The following LHFPL3 variants were observed in gnomAD, a reference collection of about 807,000 sequenced individuals.
The protein encoded by LHFPL3 is LHFPL tetraspan subfamily member 3.
In LHFPL3, 5 loss-of-function variants were observed where a neutral mutation model predicts 19.3. The ratio of observed to expected loss-of-function variants is 0.26; its 90% CI spans 0.14 to 0.54. The LOEUF is 0.54. LHFPL3 is among the 20% of genes least tolerant of loss of function. The pLI, the probability that LHFPL3 is intolerant of heterozygous loss-of-function variation, is 0.94. For synonymous variants in LHFPL3, 133 were observed against 126.2 expected, an observed-to-expected ratio of 1.05 and a Z score of -0.36; for missense variants, 249 against 307.4, an observed-to-expected ratio of 0.81 and a Z score of 1.42.
At chr7:104,638,933 T>A (rs76604948) in intron 1 of LHFPL3, among the ~76,000 whole-genome samples, 1 of 139,158 alleles carries the variant, frequency 7.2e-6, no homozygotes. Context: ...ACACCCAGCA[T>A]TTTTTTTTTT....
At chr7:104,391,358 TG>T (rs1467584205) in intron 1 of LHFPL3, among the ~76,000 whole-genome samples, 3 of 152,322 alleles carry the variant, frequency 2.0e-5, no homozygotes, top group East Asian at 1.9e-4. Context: ...AATTAATTTT[TG>T]TATAAGGTGT....
Position 104,493,542 on chromosome 7 carries a change from A to T in LHFPL3, c.445+164318A>T, listed in dbSNP as rs372769212. Among the ~76,000 whole-genome samples, 4 of 151,952 alleles carry T rather than the reference A, an allele frequency of 2.6e-5. No homozygotes were observed. The South Asian group carries it at 8.3e-4, about 32-fold the overall frequency. Reference sequence around the variant, plus strand: ...CCTTCAAAACTGAGTCCACTAACTCATTCCCCACTTATGTCAGCCTCTCCT... The same window carrying T: ...CCTTCAAAACTGAGTCCACTAACTCTTTCCCCACTTATGTCAGCCTCTCCT... On this transcript the variant is annotated intron_variant, in intron 1 of 2. Transcript: ENST00000424859.
At chr7:104,598,079 A>T (rs1790897794) in intron 1 of LHFPL3, among the ~76,000 whole-genome samples, 1 of 152,190 alleles carries the variant, frequency 6.6e-6, no homozygotes, top group Admixed American at 6.5e-5. Flanking sequence ...ATCCATTTTC[A>T]AATGGGCATA....
intron 1 of LHFPL3, among the ~76,000 whole-genome samples, chr7:104,342,996 C>CTTTTT (rs10668194): frequency 6.4e-5 from 9 of 140,968 alleles, no homozygotes; most frequent in Admixed American, 1.4e-4. Flanking sequence ...AAAGAATTGA[C>CTTTTT]TTTTTTTTTT....
chr7:104,668,910 G>A, intron 1 of LHFPL3: 1 of 1,612,424 alleles, frequency 6.2e-7, no homozygotes, highest in Non-Finnish European at 8.5e-7. Flanking sequence ...TGCAGCGTCA[G>A]CTGGATGGGC....
intron 2 of LHFPL3, among the ~76,000 whole-genome samples, chr7:104,834,270 A>T (rs1445109026): frequency 6.6e-6 from 1 of 151,596 alleles, no homozygotes; most frequent in Non-Finnish European, 1.5e-5. Context: ...AGTATTAACC[A>T]TCACAGTTGG....
At chr7:104,567,400 A>G (rs1200850894) in intron 1 of LHFPL3, among the ~76,000 whole-genome samples, 1 of 152,098 alleles carries the variant, frequency 6.6e-6, no homozygotes, top group African/African-American at 2.4e-5. Flanking sequence ...TTCACTTTGG[A>G]TATACCCATG....
At chr7:104,496,997 C>T (rs892034799) in intron 1 of LHFPL3, among the ~76,000 whole-genome samples, 3 of 152,060 alleles carry the variant, frequency 2.0e-5, no homozygotes, top group African/African-American at 7.2e-5. Flanking sequence ...AACAAGGTCC[C>T]CTTTGCTCAT....
chr7:104,553,627 T>C (rs1794702937), intron 1 of LHFPL3, among the ~76,000 whole-genome samples: 1 of 152,202 alleles, frequency 6.6e-6, no homozygotes, highest in South Asian at 2.1e-4. Flanking sequence ...CTCTTTTCAG[T>C]TGAACTTTTC....
intron 1 of LHFPL3, among the ~76,000 whole-genome samples, chr7:104,600,747 G>A (rs1265294730): frequency 6.6e-6 from 1 of 152,208 alleles, no homozygotes. Context: ...GGGATGTACT[G>A]TTGTTTCATT....
chr7:104,642,303 C>T (rs1791852195), intron 1 of LHFPL3, among the ~76,000 whole-genome samples: 2 of 152,038 alleles, frequency 1.3e-5, no homozygotes, highest in Admixed American at 6.6e-5. Context: ...CTCCCAGGTA[C>T]AGTCGTGAGC....
At chr7:104,641,944 A>G (rs1341620518) in intron 1 of LHFPL3, among the ~76,000 whole-genome samples, 5 of 151,992 alleles carry the variant, frequency 3.3e-5, no homozygotes, top group African/African-American at 1.2e-4. Flanking sequence ...GATGTTTTTG[A>G]AGTAATACAT....
chr7:104,643,557 A>G (rs117419598), intron 1 of LHFPL3, among the ~76,000 whole-genome samples: 1,775 of 152,322 alleles, frequency 0.012, 20 homozygotes, highest in Middle Eastern at 0.061. Context: ...AAACTAGAGC[A>G]GTAAAGAAAT....
intron 1 of LHFPL3, among the ~76,000 whole-genome samples, chr7:104,479,998 G>T (rs1034574): frequency 1.3e-5 from 2 of 152,006 alleles, no homozygotes; most frequent in Admixed American, 6.5e-5. Flanking sequence ...TGAAACTTTA[G>T]GATGAAGGTT....
At chr7:104,595,897 C>T (rs760553813) in intron 1 of LHFPL3, among the ~76,000 whole-genome samples, 11 of 152,228 alleles carry the variant, frequency 7.2e-5, no homozygotes, top group African/African-American at 1.7e-4. Flanking sequence ...CCTTGTCTGC[C>T]GGTTGCTAAG....
chr7:104,781,784 A>T (rs1280220035), intron 2 of LHFPL3, among the ~76,000 whole-genome samples: 2 of 152,170 alleles, frequency 1.3e-5, no homozygotes, highest in Non-Finnish European at 2.9e-5. Flanking sequence ...GCAGAATTTG[A>T]CATTGATAAC....
At chr7:104,642,558 A>G (rs1791857269) in intron 1 of LHFPL3, among the ~76,000 whole-genome samples, 1 of 152,172 alleles carries the variant, frequency 6.6e-6, no homozygotes, top group Non-Finnish European at 1.5e-5. Context: ...AGAGCTCAGT[A>G]TAAGTTGTTT....
intron 1 of LHFPL3, among the ~76,000 whole-genome samples, chr7:104,735,299 T>C (rs959539543): frequency 6.6e-6 from 1 of 152,276 alleles, no homozygotes; most frequent in Non-Finnish European, 1.5e-5. Context: ...TGTTTGGCTA[T>C]GCCCTGCCCC....
rs537339412 is a variant in LHFPL3, at chr7:104,813,589, C to T, written c.682+76678C>T. Among the ~76,000 whole-genome samples, 5 of 152,168 alleles carry T rather than the reference C, an allele frequency of 3.3e-5. No individual in the cohort carries two copies. The South Asian group carries it at 6.2e-4, about 19-fold the overall frequency. On this transcript the variant is annotated intron_variant, in intron 2 of 2. Transcript: ENST00000424859. The stretch of plus-strand genomic sequence containing the variant: ...TAAGGGTGAGTCAGGCATGGAATGG[C>T]GAGAGGTGTGTGAGTGAGTGTAGGG...
Sources: gnomAD v4.1 joint callset for allele counts (sites outside exome capture counted in the v4.1 genomes callset) on GRCh38, gnomAD v4.1.1 for gene constraint, MANE v1.5 for transcripts, NCBI Gene and HGNC (gene_info 2026-07-23, HGNC 2026-07-21) for gene names.